The following USP24 variants were observed in gnomAD, a reference collection of about 807,000 sequenced individuals.
The protein encoded by USP24 is ubiquitin specific peptidase 24, also known as ubiquitin carboxyl-terminal hydrolase 24.
A neutral mutation model predicts 361.6 loss-of-function variants in USP24; 97 were observed. That is an observed-to-expected ratio of 0.27 (90% CI 0.23 to 0.32). USP24 has a LOEUF of 0.32. Ranked by LOEUF, USP24 falls within the 10% of genes least tolerant of loss-of-function variation. USP24 has a pLI of 1.00. For missense variants in USP24, 2,353 were observed against 3,165.6 expected, an observed-to-expected ratio of 0.74 and a Z score of 6.16; for synonymous variants, 1,098 against 1,124.6, an observed-to-expected ratio of 0.98 and a Z score of 0.47.
intron 1 of USP24, among the ~76,000 whole-genome samples, chr1:55,211,222 A>G (rs998380599): frequency 1.3e-5 from 2 of 152,224 alleles, no homozygotes; most frequent in Non-Finnish European, 1.5e-5. Flanking sequence ...AAAAATCAGA[A>G]TAAGTTATTT....
chr1:55,205,679 C>A (rs1644685693), intron 1 of USP24, among the ~76,000 whole-genome samples: 1 of 152,016 alleles, frequency 6.6e-6, no homozygotes, highest in African/African-American at 2.4e-5. Context: ...AAGAATTATG[C>A]AAAACTTTAA....
rs747441059 is a variant in USP24, at chr1:55,083,407, G to C, written c.6883-43C>G. 3 of 1,591,236 alleles carry C rather than the reference G, an allele frequency of 1.9e-6. No individual in the cohort carries two copies. In the Admixed American group the frequency reaches 5.2e-5, roughly 28 times the overall value. On this transcript the variant is annotated intron_variant, in intron 57 of 67. Coordinates refer to ENST00000294383, the MANE Select transcript of USP24 (RefSeq NM_015306.3). ...GAATAACAAATTATATTTCTATCCA[G>C]ACAAAAATTGGTTTTAAAAACACAG...
intron 1 of USP24, among the ~76,000 whole-genome samples, chr1:55,183,018 CA>C (rs951273835): frequency 1.3e-5 from 2 of 151,858 alleles, no homozygotes; most frequent in Admixed American, 6.6e-5. Context: ...CGTGCCTGGC[CA>C]AAAAACAGTC....
intron 16 of USP24, among the ~76,000 whole-genome samples, chr1:55,153,183 T>C (rs969722792): frequency 1.3e-5 from 2 of 152,114 alleles, no homozygotes; most frequent in African/African-American, 4.8e-5. Context: ...CTGGCTGCTG[T>C]GATCAGCCCT....
At chr1:55,207,878 T>C (rs529515304) in intron 1 of USP24, among the ~76,000 whole-genome samples, 13 of 152,352 alleles carry the variant, frequency 8.5e-5, no homozygotes, top group Non-Finnish European at 1.3e-4. Flanking sequence ...GAAAGCAAAT[T>C]GTGTGCTGGA....
At chr1:55,124,359 A>C in intron 35 of USP24, 110 bp downstream of exon 35, 1 of 1,311,722 alleles carries the variant, frequency 7.6e-7, no homozygotes, top group East Asian at 2.5e-5. Flanking sequence ...CATGCTCACA[A>C]GCAAGAGAAG....
intron 40 of USP24, among the ~76,000 whole-genome samples, 183 bp downstream of exon 40, chr1:55,107,056 T>C (rs576415649): frequency 2.0e-5 from 3 of 152,338 alleles, no homozygotes; most frequent in South Asian, 2.1e-4. Flanking sequence ...TGTTGTTTAA[T>C]GACACAGGTA....
At position 55,078,559 on chromosome 1, in the gene USP24, G is replaced by A. The variant is rs1385208918; in HGVS notation, c.7293C>T (p.Phe2431=). Residue 2431 remains phenylalanine, a synonymous_variant, in exon 61 of 68, where the codon TTC becomes TTT. Coordinates refer to ENST00000294383, the MANE Select transcript of USP24 (RefSeq NM_015306.3). The part of the protein sequence containing the change: ...YCCFCNEHFS[F]TMLHFIKNQL... ...TTACCTTAATGAAATGCAGCATTGT[G>A]AAGGAAAAATGCTCATTACAGAAAC... The A allele has an allele frequency of 1.2e-6, 2 of 1,611,272 alleles. No homozygotes were observed. Among genetic ancestry groups the A allele is most frequent in the Non-Finnish European group, 1.7e-6 (2 of 1,179,052 alleles).
At position 55,095,375 on chromosome 1, in the gene USP24, C is replaced by T. The variant is rs199934296; in HGVS notation, c.6083G>A (p.Arg2028His). The T allele has an allele frequency of 2.8e-5, 45 of 1,612,324 alleles. No individual in the cohort carries two copies. The highest frequency in any genetic ancestry group is 2.0e-4 in the South Asian group (18 of 90,766). The stretch of plus-strand genomic sequence containing the variant: ...CATATAGGCATTCCAGTATCTTCGG[C>T]GCACATCAGTGTATGGGTTTGCTTT... ...YDQTNPYTDV[R>H]RRYWNAYMLF... Residue 2028 changes from arginine (R) to histidine (H), a missense_variant, in exon 51 of 68, where the codon CGC becomes CAC. Transcript: ENST00000294383.
intron 16 of USP24, among the ~76,000 whole-genome samples, chr1:55,150,593 T>C (rs1381664841): frequency 6.6e-6 from 1 of 152,174 alleles, no homozygotes; most frequent in Non-Finnish European, 1.5e-5. Flanking sequence ...GAAGCAAATA[T>C]ATTAAAAAGT....
At chr1:55,172,152 TA>T (rs1335356958) in intron 4 of USP24, among the ~76,000 whole-genome samples, 6 of 152,206 alleles carry the variant, frequency 3.9e-5, no homozygotes, top group African/African-American at 1.4e-4. Context: ...GAAAGGCATT[TA>T]ATCATTCCGT....
intron 5 of USP24, 32 bp from the exon 6 acceptor site, chr1:55,166,635 C>A: frequency 1.3e-6 from 2 of 1,563,710 alleles, no homozygotes; most frequent in African/African-American, 1.4e-5. Flanking sequence ...ATTGAGATGG[C>A]AATATAAAAG....
chr1:55,136,372 C>T (rs185196878), intron 28 of USP24, among the ~76,000 whole-genome samples: 17 of 152,246 alleles, frequency 1.1e-4, no homozygotes, highest in South Asian at 4.1e-4. Context: ...TAGGAAGGCC[C>T]TGAAGGTCCC....
chr1:55,090,049 G>A (rs902704974), intron 54 of USP24, among the ~76,000 whole-genome samples: 2 of 151,942 alleles, frequency 1.3e-5, no homozygotes, highest in African/African-American at 4.8e-5. Flanking sequence ...CAAACAACTC[G>A]AATTAGACAA....
At chr1:55,147,519 T>C in intron 18 of USP24, 130 bp downstream of exon 18, 2 of 943,112 alleles carry the variant, frequency 2.1e-6, no homozygotes, top group Non-Finnish European at 2.9e-6. Context: ...ACAAAACTGT[T>C]CCCTCACTAC....
chr1:55,156,866 T>C (rs1025754850), intron 12 of USP24, 82 bp downstream of exon 12: 12 of 960,524 alleles, frequency 1.2e-5, no homozygotes, highest in African/African-American at 4.9e-5. Context: ...AGTTTCCGTT[T>C]TCCTGCTCTC....
chr1:55,162,096 T>A, intron 8 of USP24, 103 bp downstream of exon 8: 1 of 1,006,674 alleles, frequency 9.9e-7, no homozygotes, highest in Non-Finnish European at 1.4e-6. Flanking sequence ...AAAAAAGGAG[T>A]TACTCTGGAT....
At chr1:55,137,367 G>A in intron 28 of USP24, 148 bp downstream of exon 28, 1 of 1,035,732 alleles carries the variant, frequency 9.7e-7, no homozygotes, top group Non-Finnish European at 1.3e-6. Context: ...TAAGTGGGAT[G>A]AAGAGATTTT....
chr1:55,181,227 T>C (rs1319801083), intron 1 of USP24, among the ~76,000 whole-genome samples: 2 of 152,080 alleles, frequency 1.3e-5, no homozygotes, highest in African/African-American at 4.8e-5. Flanking sequence ...ATATCAATGA[T>C]ATCTAAAGAA....
Sources: allele counts gnomAD v4.1 joint callset (sites outside exome capture counted in the v4.1 genomes callset), GRCh38; gene constraint gnomAD v4.1.1; transcripts MANE v1.5; gene names NCBI Gene and HGNC (gene_info 2026-07-23, HGNC 2026-07-21).